Variants in SIRPG observed in about 807,000 individuals in gnomAD.
SIRPG encodes the protein signal regulatory protein gamma.
A neutral mutation model predicts 35.7 loss-of-function variants in SIRPG; 38 were observed. That is an observed-to-expected ratio of 1.06 (90% CI 0.82 to 1.40). The LOEUF (loss-of-function observed/expected upper bound fraction) is 1.40. Among genes scored for constraint, SIRPG ranks in the 40% most tolerant of loss-of-function variants. SIRPG has a pLI of 0.00. For synonymous variants in SIRPG, 215 were observed against 190.4 expected (o/e 1.13, Z -1.06); for missense variants, 519 against 483.0 (o/e 1.07, Z -0.70).
intron 2 of SIRPG, among the ~76,000 whole-genome samples, chr20:1,638,785 G>C (rs2091825688): frequency 9.5e-6 from 1 of 105,290 alleles, no homozygotes; most frequent in Admixed American, 1.3e-4. Context: ...CCCACCCCTT[G>C]ACTGGCCCTG....
At chr20:1,658,250 T>C (rs537523789), upstream of SIRPG, among the ~76,000 whole-genome samples, 22 of 152,352 alleles carry the variant, frequency 1.4e-4, no homozygotes, top group Admixed American at 7.8e-4. Context: ...CAAATTGCTA[T>C]AATTGGCAAC....
chr20:1,681,552 C>A, the SIRPG span, among the ~76,000 whole-genome samples: 2 of 152,228 alleles, frequency 1.3e-5, no homozygotes, highest in Middle Eastern at 6.8e-3. Flanking sequence ...ATAAAGTTGG[C>A]CAGGCACAGT....
the SIRPG span, among the ~76,000 whole-genome samples, chr20:1,675,695 T>C: frequency 2.6e-5 from 4 of 152,286 alleles, no homozygotes; most frequent in Middle Eastern, 3.4e-3. Context: ...TGTCTCTAAT[T>C]CTAATGTAAC....
At chr20:1,680,576 T>C in the SIRPG span, among the ~76,000 whole-genome samples, 1 of 152,170 alleles carries the variant, frequency 6.6e-6, no homozygotes, top group East Asian at 1.9e-4. Context: ...ACTAGCAAAC[T>C]GAATTGAATA....
chr20:1,655,755 A>G (rs1478735652), intron 1 of SIRPG, among the ~76,000 whole-genome samples: 1 of 152,184 alleles, frequency 6.6e-6, no homozygotes, highest in Non-Finnish European at 1.5e-5. Context: ...CAATGTATGC[A>G]TATTTCTTAA....
Position 1,635,357 on chromosome 20 carries a change from C to G in SIRPG, c.991G>C (p.Val331Leu), listed in dbSNP as rs2091789044. The change falls in exon 4 of 6, where the codon GTG becomes CTG. Residue 331 changes from valine to leucine, a missense_variant. By Grantham distance (32) the Val-to-Leu change is conservative. Coordinates refer to ENST00000303415, the MANE Select transcript of SIRPG (RefSeq NM_018556.4). Reference sequence around the variant, plus strand: ...ACCGCCAGCTGCCCATCATGCTTCACCTGGCAGGTGAGGACCACATCATCC... The same window carrying G: ...ACCGCCAGCTGCCCATCATGCTTCAGCTGGCAGGTGAGGACCACATCATCC... ...QRDDVVLTCQ[V>L]KHDGQLAVSK... The G allele has an allele frequency of 6.2e-7, 1 of 1,614,226 alleles. No individual in the cohort carries two copies. Among genetic ancestry groups the G allele is most frequent in the Non-Finnish European group, 8.5e-7 (1 of 1,180,046 alleles).
chr20:1,648,248 G>A (rs995314308), intron 2 of SIRPG: 1 of 152,214 alleles, frequency 6.6e-6, no homozygotes, highest in Non-Finnish European at 1.5e-5. Flanking sequence ...TTTCTGAGGT[G>A]AAGGATATTC....
intron 2 of SIRPG, among the ~76,000 whole-genome samples, chr20:1,642,893 G>T (rs2122501241): frequency 6.6e-6 from 1 of 152,172 alleles, no homozygotes; most frequent in East Asian, 1.9e-4. Flanking sequence ...GTTGAATATT[G>T]GCCCCCACTC....
chr20:1,663,956 A>T, the SIRPG span, among the ~76,000 whole-genome samples: 1 of 152,256 alleles, frequency 6.6e-6, no homozygotes, highest in African/African-American at 2.4e-5. Context: ...GTGGTTCTGC[A>T]GACTGTACAA....
At chr20:1,669,077 G>T in the SIRPG span, among the ~76,000 whole-genome samples, 1 of 152,140 alleles carries the variant, frequency 6.6e-6, no homozygotes, top group African/African-American at 2.4e-5. Flanking sequence ...ACATATTTTG[G>T]TCAAAGAGAG....
chr20:1,664,051 T>C, the SIRPG span, among the ~76,000 whole-genome samples: 4 of 152,150 alleles, frequency 2.6e-5, no homozygotes, highest in Non-Finnish European at 4.4e-5. Flanking sequence ...TGGCATCACA[T>C]GGTGAGAGAG....
chr20:1,679,322 T>C, the SIRPG span, among the ~76,000 whole-genome samples: 4 of 152,178 alleles, frequency 2.6e-5, no homozygotes, highest in Non-Finnish European at 5.9e-5. Flanking sequence ...TCAACATCCC[T>C]GAAACAAGCT....
the SIRPG span, among the ~76,000 whole-genome samples, chr20:1,668,833 G>T: frequency 6.6e-6 from 1 of 152,350 alleles, no homozygotes; most frequent in Middle Eastern, 3.4e-3. Context: ...GCATGACTGA[G>T]TGAGCAGTGG....
At chr20:1,647,032 G>A (rs767273313) in intron 2 of SIRPG, 7 of 152,302 alleles carry the variant, frequency 4.6e-5, no homozygotes, top group African/African-American at 9.7e-5. Context: ...CTCTACACTT[G>A]AAAAACCACA....
rs371860342 is a variant in SIRPG, at chr20:1,638,959, T to G, written c.431-2454A>C. Among the ~76,000 whole-genome samples the G allele has an allele frequency of 3.3e-5, 5 of 152,240 alleles. No homozygotes were observed. The East Asian group carries it at 5.8e-4, about 18-fold the overall frequency. ...CGCAAAGGACATGAACTCATTCTTTTTTATGGCTGCATAGTATTCCATGGT... is the reference window on the plus strand; with the variant it reads ...CGCAAAGGACATGAACTCATTCTTTGTTATGGCTGCATAGTATTCCATGGT... On this transcript the variant is annotated intron_variant, in intron 2 of 5. Transcript: ENST00000303415.
chr20:1,641,045 A>T (rs1302432376), intron 2 of SIRPG, among the ~76,000 whole-genome samples: 1 of 152,146 alleles, frequency 6.6e-6, no homozygotes, highest in African/African-American at 2.4e-5. Context: ...TTTGATGTTT[A>T]TCAGGGATAC....
the SIRPG span, among the ~76,000 whole-genome samples, chr20:1,680,727 A>G: frequency 2.0e-5 from 3 of 152,256 alleles, no homozygotes. Context: ...CATTTGATGC[A>G]GAAAAGCCTT....
intron 4 of SIRPG, among the ~76,000 whole-genome samples, chr20:1,631,304 G>A (rs778600585): frequency 3.3e-5 from 5 of 152,138 alleles, no homozygotes; most frequent in African/African-American, 7.2e-5. Flanking sequence ...CTCCCTTGAG[G>A]AAAGCTGCAC....
At chr20:1,640,434 C>T (rs925726043) in intron 2 of SIRPG, among the ~76,000 whole-genome samples, 4 of 152,090 alleles carry the variant, frequency 2.6e-5, no homozygotes, top group African/African-American at 4.8e-5. Context: ...TATAGGAATG[C>T]TTGTGATTTT....
Sources: allele counts gnomAD v4.1 joint callset (sites outside exome capture counted in the v4.1 genomes callset), GRCh38; gene constraint gnomAD v4.1.1; transcripts MANE v1.5; gene names NCBI Gene and HGNC (gene_info 2026-07-23, HGNC 2026-07-21).